UNC13C: variants seen among roughly 807,000 people sequenced by gnomAD.
UNC13C encodes protein unc-13 homolog C.
UNC13C carries 174 observed loss-of-function variants against 245.4 expected under a neutral mutation model. That is an observed-to-expected ratio of 0.71 (90% CI 0.63 to 0.80). UNC13C has a LOEUF of 0.80. Ranked by LOEUF, UNC13C falls within the 30% of genes least tolerant of loss-of-function variation. UNC13C has a pLI of 0.00. For missense variants in UNC13C, 2,829 were observed against 2,602.9 expected (o/e 1.09, Z -1.89); for synonymous variants, 992 against 895.1 (o/e 1.11, Z -1.93).
At chr15:54,144,906 T>C (rs1282401562) in intron 4 of UNC13C, among the ~76,000 whole-genome samples, 2 of 151,908 alleles carry the variant, frequency 1.3e-5, no homozygotes, top group Admixed American at 1.3e-4. Context: ...TACCTCTTTA[T>C]ATATGAATAT....
intron 17 of UNC13C, among the ~76,000 whole-genome samples, chr15:54,374,938 C>T (rs2039573263): frequency 6.6e-6 from 1 of 152,212 alleles, no homozygotes; most frequent in South Asian, 2.1e-4. Context: ...ATTTGTACTG[C>T]TCTATAAGAA....
intron 4 of UNC13C, among the ~76,000 whole-genome samples, chr15:54,195,334 A>G (rs1000293290): frequency 2.6e-5 from 4 of 152,186 alleles, no homozygotes; most frequent in Non-Finnish European, 4.4e-5. Context: ...TAATTTAACA[A>G]TTCAAACACT....
chr15:54,465,378 G>A (rs2141033254), intron 19 of UNC13C, among the ~76,000 whole-genome samples: 1 of 152,074 alleles, frequency 6.6e-6, no homozygotes, highest in African/African-American at 2.4e-5. Flanking sequence ...ACATTTTATG[G>A]CTTCTATGCT....
At chr15:54,445,166 T>G (rs996682056) in intron 19 of UNC13C, among the ~76,000 whole-genome samples, 3 of 152,148 alleles carry the variant, frequency 2.0e-5, no homozygotes, top group Non-Finnish European at 4.4e-5. Flanking sequence ...TATGGCTGCA[T>G]AGTATTCCAC....
chr15:54,204,174 T>G (rs918424168), intron 4 of UNC13C, among the ~76,000 whole-genome samples: 3 of 151,648 alleles, frequency 2.0e-5, no homozygotes, highest in African/African-American at 7.3e-5. Flanking sequence ...GATAAAATAC[T>G]ACACATTGGG....
At chr15:54,125,956 CTT>C (rs2031009330) in intron 2 of UNC13C, among the ~76,000 whole-genome samples, 1 of 151,912 alleles carries the variant, frequency 6.6e-6, no homozygotes, top group Non-Finnish European at 1.5e-5. Flanking sequence ...CAAAAGAAAA[CTT>C]ATACACAATA....
At chr15:54,558,664 C>G (rs1379830130) in intron 29 of UNC13C, among the ~76,000 whole-genome samples, 1 of 151,886 alleles carries the variant, frequency 6.6e-6, no homozygotes, top group African/African-American at 2.4e-5. Flanking sequence ...TATTATAAGT[C>G]AAGAGTGTCA....
chr15:54,580,054 A>C (rs1164863835), intron 30 of UNC13C, among the ~76,000 whole-genome samples: 1 of 152,214 alleles, frequency 6.6e-6, no homozygotes, highest in Non-Finnish European at 1.5e-5. Context: ...AAATACTGAC[A>C]TGTCAGAAAA....
At chr15:54,620,320 AGGAAAAACTTACATTGTATACGT>A (rs1900715338) in intron 30 of UNC13C, among the ~76,000 whole-genome samples, 1 of 152,178 alleles carries the variant, frequency 6.6e-6, no homozygotes, top group African/African-American at 2.4e-5. Context: ...AATTTGAGAA[AGGAAAAACTTACATTGTATACGT>A]TTAGAGTCCC....
Position 54,445,581 on chromosome 15 carries a change from G to C in UNC13C, c.4933+30514G>C, listed in dbSNP as rs111761141. Among the ~76,000 whole-genome samples, 772 of 152,286 alleles carry C rather than the reference G, an allele frequency of 5.1e-3. 8 individuals carry two copies. Among genetic ancestry groups the C allele is most frequent in the African/African-American group, 0.018 (736 of 41,554 alleles). On this transcript the variant is annotated intron_variant, in intron 19 of 32. Transcript: ENST00000260323. ...GCAATTTTTCATGTGTCTGTTGGCTGCATAAATGTCTTCTTTTGAGAAGTG... is the reference window on the plus strand; with the variant it reads ...GCAATTTTTCATGTGTCTGTTGGCTCCATAAATGTCTTCTTTTGAGAAGTG...
intron 2 of UNC13C, among the ~76,000 whole-genome samples, chr15:54,125,580 C>T (rs1178794173): frequency 2.0e-5 from 3 of 152,160 alleles, no homozygotes; most frequent in Non-Finnish European, 4.4e-5. Context: ...AAACGTGGTA[C>T]ATCTCTTCAT....
At chr15:54,229,813 A>C (rs2140811468) in intron 4 of UNC13C, among the ~76,000 whole-genome samples, 1 of 151,916 alleles carries the variant, frequency 6.6e-6, no homozygotes, top group East Asian at 1.9e-4. Flanking sequence ...TGTAACTACC[A>C]CTCTATTCCC....
intron 17 of UNC13C, among the ~76,000 whole-genome samples, chr15:54,343,285 C>G (rs146067877): frequency 0.01 from 1,566 of 152,226 alleles, 22 homozygotes; most frequent in Admixed American, 0.025. Context: ...AGAGGCCCAC[C>G]ACCACGCCTG....
At chr15:54,035,537 T>C (rs975263642) in intron 2 of UNC13C, among the ~76,000 whole-genome samples, 4 of 152,204 alleles carry the variant, frequency 2.6e-5, no homozygotes, top group Non-Finnish European at 4.4e-5. Context: ...AAGCTCCCTC[T>C]AAATTTCACT....
intron 4 of UNC13C, among the ~76,000 whole-genome samples, chr15:54,175,657 C>T (rs935092646): frequency 1.4e-4 from 21 of 152,042 alleles, no homozygotes; most frequent in African/African-American, 4.8e-4. Flanking sequence ...GGACTACAGG[C>T]ACCCACCACC....
chr15:54,019,657 T>C (rs894078744), intron 2 of UNC13C, among the ~76,000 whole-genome samples: 4 of 152,244 alleles, frequency 2.6e-5, no homozygotes, highest in African/African-American at 9.6e-5. Flanking sequence ...GAAATTAGCA[T>C]ACTTCCTAGT....
At chr15:53,979,155 T>G (rs1188760978) in intron 1 of UNC13C, among the ~76,000 whole-genome samples, 8 of 152,140 alleles carry the variant, frequency 5.3e-5, no homozygotes, top group Non-Finnish European at 1.2e-4. Flanking sequence ...TTCAGAATGA[T>G]AAATGACTGC....
At chr15:54,392,927 C>T (rs1001875061) in intron 17 of UNC13C, 121 bp from the exon 18 acceptor site, 7 of 1,192,744 alleles carry the variant, frequency 5.9e-6, no homozygotes, top group South Asian at 2.2e-5. Flanking sequence ...AGCTTTGACT[C>T]CCATAATCTA....
intron 20 of UNC13C, among the ~76,000 whole-genome samples, chr15:54,494,988 A>T (rs1893886341): frequency 6.6e-6 from 1 of 152,068 alleles, no homozygotes; most frequent in Admixed American, 6.6e-5. Flanking sequence ...GACATGGCTC[A>T]TGTGATAACA....
Sources: allele counts gnomAD v4.1 joint callset (sites outside exome capture counted in the v4.1 genomes callset), GRCh38; gene constraint gnomAD v4.1.1; transcripts MANE v1.5; gene names NCBI Gene and HGNC (gene_info 2026-07-23, HGNC 2026-07-21).